The following BICRAL variants were observed in gnomAD, a reference collection of about 807,000 sequenced individuals.
BICRAL encodes BICRA like chromatin remodeling complex associated protein.
A neutral mutation model predicts 91.8 loss-of-function variants in BICRAL; 8 were observed. That is an observed-to-expected ratio of 0.09 (90% CI 0.05 to 0.16). BICRAL has a LOEUF of 0.16. Ranked by LOEUF, BICRAL falls within the 10% of genes least tolerant of loss-of-function variation. The pLI is 1.00. For synonymous variants in BICRAL, 445 were observed against 491.1 expected (o/e 0.91, Z 1.24); for missense variants, 1,038 against 1,310.9 (o/e 0.79, Z 3.21).
At chr6:42,796,276 G>T (rs543646455) in intron 1 of BICRAL, among the ~76,000 whole-genome samples, 1 of 152,174 alleles carries the variant, frequency 6.6e-6, no homozygotes, top group African/African-American at 2.4e-5. Context: ...GGTCATGATT[G>T]TCTTTGAGCA....
At chr6:42,823,813 T>G (rs1038018957) in intron 5 of BICRAL, among the ~76,000 whole-genome samples, 1 of 151,804 alleles carries the variant, frequency 6.6e-6, no homozygotes, top group African/African-American at 2.4e-5. Flanking sequence ...TAATCCCAGC[T>G]ACTCGGGAGC....
intron 7 of BICRAL, among the ~76,000 whole-genome samples, chr6:42,853,096 A>G (rs1217548753): frequency 1.3e-5 from 2 of 151,104 alleles, no homozygotes; most frequent in African/African-American, 4.9e-5. Flanking sequence ...AAGGTATTTT[A>G]CAGTACTTGT....
At chr6:42,763,850 C>A (rs1036335505) in intron 1 of BICRAL, among the ~76,000 whole-genome samples, 1 of 146,716 alleles carries the variant, frequency 6.8e-6, no homozygotes, top group African/African-American at 2.5e-5. Flanking sequence ...ACAAAAAAAA[C>A]GAGCGTTTTC....
intron 2 of BICRAL, among the ~76,000 whole-genome samples, chr6:42,820,573 C>T (rs1324359302): frequency 6.6e-6 from 1 of 152,138 alleles, no homozygotes; most frequent in African/African-American, 2.4e-5. Flanking sequence ...TCTGTCCCAT[C>T]TTCACTCCTC....
upstream of BICRAL, among the ~76,000 whole-genome samples, chr6:42,777,634 A>G (rs755331453): frequency 2.0e-4 from 31 of 152,136 alleles, no homozygotes; most frequent in Non-Finnish European, 3.7e-4. Flanking sequence ...TTCATTCTCC[A>G]CTTCTGAGAA....
At chr6:42,773,721 G>A (rs568260025) in intron 1 of BICRAL, among the ~76,000 whole-genome samples, 1 of 151,710 alleles carries the variant, frequency 6.6e-6, no homozygotes, top group South Asian at 2.1e-4. Flanking sequence ...CTTCATGTTG[G>A]CCAGGCTGGT....
chr6:42,752,391 C>T (rs887541770), intron 1 of BICRAL, among the ~76,000 whole-genome samples: 1 of 152,320 alleles, frequency 6.6e-6, no homozygotes. Context: ...AAACAGACAT[C>T]GTCCCTGTCC....
At chr6:42,827,956 A>G (rs1225904451) in intron 5 of BICRAL, among the ~76,000 whole-genome samples, 2 of 152,204 alleles carry the variant, frequency 1.3e-5, no homozygotes, top group Non-Finnish European at 2.9e-5. Flanking sequence ...AGTAGTCCTC[A>G]GTATGTTCGC....
intron 9 of BICRAL, 91 bp from the exon 10 acceptor site, chr6:42,857,000 A>G (rs1228365649): frequency 1.8e-6 from 2 of 1,084,344 alleles, no homozygotes; most frequent in Non-Finnish European, 2.7e-6. Flanking sequence ...TTATTCCTAT[A>G]TATCTTATTT....
chr6:42,819,314 C>A (rs1330192676), intron 2 of BICRAL, among the ~76,000 whole-genome samples: 1 of 152,100 alleles, frequency 6.6e-6, no homozygotes, highest in African/African-American at 2.4e-5. Context: ...GAGACAGAAT[C>A]TCTCTCTGTC....
At position 42,855,448 on chromosome 6, in the gene BICRAL, G is replaced by A. The variant is rs1054342952; in HGVS notation, c.2047-408G>A. Among the ~76,000 whole-genome samples the A allele has an allele frequency of 6.6e-5, 10 of 152,192 alleles. 1 individual carries two copies. In the East Asian group the frequency reaches 1.9e-3, roughly 29 times the overall value. On this transcript the variant is annotated intron_variant, in intron 8 of 12. Transcript: ENST00000314073. ...TCCCAGCTACCTGGGAGGCTGAGGT[G>A]GGAGGATCACTTGAGCCTGGGAAGC...
At position 42,868,231 on chromosome 6, in the gene BICRAL, A is replaced by AT. The variant is rs1581647359; in HGVS notation, c.*2787dup. 2.0e-5 allele frequency: 3 copies of AT among 152,718 alleles called. No individual in the cohort carries two copies. The highest frequency in any genetic ancestry group is 2.9e-5 in the Non-Finnish European group (2 of 68,018). 9.5% of individuals were successfully genotyped at this position (152,718 alleles called of 1,614,324 possible). A position where few individuals can be genotyped will look rare whatever the true frequency, so the allele number is the denominator to read the frequency against. ...TGAAGGATTTAGTAGATTCTGTTAG[A>AT]TTAGGGAGGCCTTACAGACTGACTT... On this transcript the variant is annotated 3_prime_UTR_variant, in exon 13 of 13. Coordinates refer to ENST00000314073, the MANE Select transcript of BICRAL (RefSeq NM_001393499.1).
At chr6:42,794,844 G>A (rs977510868) in intron 1 of BICRAL, among the ~76,000 whole-genome samples, 3 of 149,352 alleles carry the variant, frequency 2.0e-5, no homozygotes, top group South Asian at 2.1e-4. Context: ...ACCTGTAATC[G>A]CAGCTATTCG....
In BICRAL at chr6:42,857,606, A is replaced by ATAT. The variant is rs1562497905; in HGVS notation, c.2254+370_2254+371insTAT. On this transcript the variant is annotated intron_variant, in intron 10 of 12. Coordinates refer to ENST00000314073, the MANE Select transcript of BICRAL (RefSeq NM_001393499.1). Reference sequence around the variant, plus strand: ...ATAGGGAGACACTGTCTCTTAAAAAAAAAAAAAAATATATATATATATATA... The same window carrying ATAT: ...ATAGGGAGACACTGTCTCTTAAAAAATATAAAAAAAAATATATATATATATATA... Among the ~76,000 whole-genome samples, 302 of 99,368 alleles carry ATAT rather than the reference A, an allele frequency of 3.0e-3. 2 individuals are homozygous for ATAT. The highest frequency in any genetic ancestry group is 0.019 in the African/African-American group (282 of 14,714). 65.2% of individuals were successfully genotyped at this position (99,368 alleles called of 152,430 possible). A position where few individuals can be genotyped will look rare whatever the true frequency, so the allele number is the denominator to read the frequency against.
Position 42,829,470 on chromosome 6 carries a change from C to T in BICRAL, c.1137C>T (p.Ser379=), listed in dbSNP as rs1329602556. 3 of 1,614,082 alleles carry T rather than the reference C, an allele frequency of 1.9e-6. No homozygotes were observed. Among genetic ancestry groups the T allele is most frequent in the East Asian group, 2.2e-5 (1 of 44,890 alleles). The change falls in exon 6 of 13, where the codon AGC becomes AGT. Residue 379 remains serine, a synonymous_variant. Transcript: ENST00000314073. ...TRKPVTSQAV[S]STGGSIVIHS... The stretch of plus-strand genomic sequence containing the variant: ...AGCCAGTCACCTCACAGGCAGTGAG[C>T]AGCACTGGGGGCAGTATTGTTATTC...
At chr6:42,816,208 A>G (rs945591085) in intron 2 of BICRAL, among the ~76,000 whole-genome samples, 2 of 148,548 alleles carry the variant, frequency 1.3e-5, no homozygotes, top group Non-Finnish European at 3.0e-5. Context: ...AAAAAAATGA[A>G]AAAAAAAAAA....
At chr6:42,825,841 A>G (rs879691490) in intron 5 of BICRAL, among the ~76,000 whole-genome samples, 1 of 152,174 alleles carries the variant, frequency 6.6e-6, no homozygotes, top group Non-Finnish European at 1.5e-5. Flanking sequence ...AACACTTGTG[A>G]GAGGCCGAAG....
At chr6:42,760,298 C>T (rs138283293) in intron 1 of BICRAL, among the ~76,000 whole-genome samples, 328 of 150,852 alleles carry the variant, frequency 2.2e-3, no homozygotes, top group African/African-American at 7.6e-3. Flanking sequence ...GCACGCGGAT[C>T]ACCTGAGGTC....
At chr6:42,831,560 A>G (rs1357113609) in intron 6 of BICRAL, among the ~76,000 whole-genome samples, 4 of 152,166 alleles carry the variant, frequency 2.6e-5, no homozygotes, top group East Asian at 1.9e-4. Context: ...CGACGGCTCC[A>G]TCATTTGGTT....
Sources: allele counts gnomAD v4.1 joint callset (sites outside exome capture counted in the v4.1 genomes callset), GRCh38; gene constraint gnomAD v4.1.1; transcripts MANE v1.5; gene names NCBI Gene and HGNC (gene_info 2026-07-23, HGNC 2026-07-21).